CERS6: variants seen among roughly 807,000 people sequenced by gnomAD.
CERS6 encodes ceramide synthase 6.
CERS6 carries 26 observed loss-of-function variants against 56.8 expected under a neutral mutation model. That is an observed-to-expected ratio of 0.46 (90% CI 0.34 to 0.63). The LOEUF is 0.63. Ranked by LOEUF, CERS6 falls within the 30% of genes least tolerant of loss-of-function variation. CERS6 has a pLI of 0.01. For missense variants in CERS6, 415 were observed against 467.5 expected, an observed-to-expected ratio of 0.89 and a Z score of 1.04; for synonymous variants, 164 against 173.3, an observed-to-expected ratio of 0.95 and a Z score of 0.42.
At chr2:168,651,529 T>C (rs1685339929) in intron 4 of CERS6, among the ~76,000 whole-genome samples, 1 of 152,234 alleles carries the variant, frequency 6.6e-6, no homozygotes, top group African/African-American at 2.4e-5. Context: ...TGACTCACAG[T>C]TCCACATGGA....
intron 4 of CERS6, among the ~76,000 whole-genome samples, chr2:168,632,835 G>A (rs879352369): frequency 4.6e-5 from 7 of 152,142 alleles, no homozygotes; most frequent in Admixed American, 4.6e-4. Context: ...GTTGGTGAGG[G>A]GCTTTGTTGG....
At chr2:168,622,949 A>G (rs540997687) in intron 3 of CERS6, among the ~76,000 whole-genome samples, 11 of 152,336 alleles carry the variant, frequency 7.2e-5, no homozygotes, top group Admixed American at 5.2e-4. Context: ...CAGAGTTTCC[A>G]AAAAGGAATC....
chr2:168,743,923 A>T (rs1394866499), intron 8 of CERS6, among the ~76,000 whole-genome samples: 1 of 77,268 alleles, frequency 1.3e-5, no homozygotes, highest in African/African-American at 5.0e-5. Context: ...GTCCCACCCC[A>T]CCCCCCACCA....
intron 1 of CERS6, among the ~76,000 whole-genome samples, chr2:168,460,187 CT>C (rs955650041): frequency 4.2e-4 from 62 of 148,906 alleles, no homozygotes; most frequent in African/African-American, 1.4e-3. Flanking sequence ...GGCTGAATGT[CT>C]TTTTTTTTTC....
At chr2:168,469,327 A>G (rs962254189) in intron 1 of CERS6, among the ~76,000 whole-genome samples, 1 of 152,134 alleles carries the variant, frequency 6.6e-6, no homozygotes, top group Non-Finnish European at 1.5e-5. Flanking sequence ...AATTTAACAA[A>G]CCTGCTCATT....
chr2:168,641,175 T>C (rs375317229), intron 4 of CERS6, among the ~76,000 whole-genome samples: 1 of 152,166 alleles, frequency 6.6e-6, no homozygotes. Context: ...CCACTTGTCC[T>C]TCCCAGCCGC....
At chr2:168,760,302 AG>A (rs1684536173) in intron 8 of CERS6, among the ~76,000 whole-genome samples, 1 of 152,198 alleles carries the variant, frequency 6.6e-6, no homozygotes, top group Admixed American at 6.6e-5. Context: ...CTGATGTTTG[AG>A]GACAAGAAGC....
intron 6 of CERS6, among the ~76,000 whole-genome samples, chr2:168,697,454 G>A (rs556781641): frequency 1.2e-4 from 18 of 152,208 alleles, no homozygotes; most frequent in South Asian, 1.0e-3. Context: ...GCCAGGTACT[G>A]TGCGAGGCTC....
At chr2:168,726,050 A>G (rs1683341920) in intron 8 of CERS6, among the ~76,000 whole-genome samples, 1 of 152,224 alleles carries the variant, frequency 6.6e-6, no homozygotes, top group Admixed American at 6.5e-5. Context: ...CATAGATTGT[A>G]CTCAAACTCA....
At chr2:168,648,248 G>A (rs1685252903) in intron 4 of CERS6, among the ~76,000 whole-genome samples, 1 of 151,978 alleles carries the variant, frequency 6.6e-6, no homozygotes, top group Non-Finnish European at 1.5e-5. Flanking sequence ...CAGTCTTGGC[G>A]GGTATATGTG....
At position 168,775,124 on chromosome 2, in the gene CERS6, T is replaced by A. The variant is rs181634172; in HGVS notation, c.*5462T>A. ...AACACTTTCATAATAAAGATAAGTATTAAGAGTGCAGTGTAAGTGCCCTTT... is the reference window on the plus strand; with the variant it reads ...AACACTTTCATAATAAAGATAAGTAATAAGAGTGCAGTGTAAGTGCCCTTT... On this transcript the variant is annotated 3_prime_UTR_variant, in exon 10 of 10. Transcript: ENST00000305747. The A allele has an allele frequency of 2.2e-4, 33 of 152,336 alleles. No individual in the cohort carries two copies. The highest frequency in any genetic ancestry group is 1.8e-3 in the Admixed American group (27 of 15,304). The allele number at this position is 152,336 out of a possible 1,614,324, so 9.4% of individuals were successfully genotyped here.
rs1322396663 is a variant in CERS6, at chr2:168,490,925, G to A, written c.170+34307G>A. ...CTACCAAGTGACACTTTGACATCGG[G>A]CTAACTTAAAACAGCAATTTTCTTC... On this transcript the variant is annotated intron_variant, in intron 1 of 9. Coordinates refer to ENST00000305747, the MANE Select transcript of CERS6 (RefSeq NM_203463.3). Among the ~76,000 whole-genome samples, 6 of 152,174 alleles carry A rather than the reference G, an allele frequency of 3.9e-5. No individual in the cohort carries two copies. The East Asian group carries it at 1.2e-3, about 29-fold the overall frequency.
At chr2:168,585,043 A>AT (rs1683508674) in intron 3 of CERS6, among the ~76,000 whole-genome samples, 1 of 152,272 alleles carries the variant, frequency 6.6e-6, no homozygotes, top group Non-Finnish European at 1.5e-5. Context: ...TGCCAACTCC[A>AT]TATTTGCTGA....
At chr2:168,463,644 A>G (rs1039571508) in intron 1 of CERS6, among the ~76,000 whole-genome samples, 1 of 152,342 alleles carries the variant, frequency 6.6e-6, no homozygotes, top group East Asian at 1.9e-4. Flanking sequence ...ACAGTGGCTC[A>G]TGCCTGTAAT....
At chr2:168,584,582 T>A (rs894665265) in intron 3 of CERS6, among the ~76,000 whole-genome samples, 1 of 152,244 alleles carries the variant, frequency 6.6e-6, no homozygotes, top group Non-Finnish European at 1.5e-5. Flanking sequence ...TGTAGACCTT[T>A]TCCCTAACAT....
At chr2:168,662,867 A>G (rs77612356) in intron 4 of CERS6, among the ~76,000 whole-genome samples, 4,265 of 152,328 alleles carry the variant, frequency 0.028, 162 homozygotes, top group African/African-American at 0.085. Flanking sequence ...GTTGGCATAT[A>G]GTAACTACTT....
At chr2:168,698,706 C>T (rs551911052) in intron 6 of CERS6, among the ~76,000 whole-genome samples, 1 of 152,156 alleles carries the variant, frequency 6.6e-6, no homozygotes, top group South Asian at 2.1e-4. Context: ...CAATAATTTT[C>T]GTAGGTGAAT....
chr2:168,546,587 C>G (rs1695469812), intron 1 of CERS6, among the ~76,000 whole-genome samples: 1 of 152,180 alleles, frequency 6.6e-6, no homozygotes, highest in Admixed American at 6.6e-5. Flanking sequence ...TTAATCTCAT[C>G]AACTGTTATT....
intron 8 of CERS6, among the ~76,000 whole-genome samples, chr2:168,752,969 A>G (rs1481246002): frequency 2.6e-5 from 4 of 152,256 alleles, no homozygotes; most frequent in Non-Finnish European, 5.9e-5. Flanking sequence ...GAATGCATCT[A>G]TACAAATGGG....
Sources: gnomAD v4.1 joint callset for allele counts (sites outside exome capture counted in the v4.1 genomes callset) on GRCh38, gnomAD v4.1.1 for gene constraint, MANE v1.5 for transcripts, NCBI Gene and HGNC (gene_info 2026-07-23, HGNC 2026-07-21) for gene names.